The following EHMT1 variants were observed in gnomAD, a reference collection of about 807,000 sequenced individuals.
EHMT1 encodes histone-lysine N-methyltransferase EHMT1.
In EHMT1, 15 loss-of-function variants were observed where a neutral mutation model predicts 147.2. The observed-to-expected ratio is 0.10, with a 90% CI of 0.07 to 0.16. The LOEUF (loss-of-function observed/expected upper bound fraction) is 0.16. Ranked by LOEUF, EHMT1 falls within the 10% of genes least tolerant of loss-of-function variation. The pLI is 1.00. For synonymous variants in EHMT1, 795 were observed against 709.6 expected, an observed-to-expected ratio of 1.12 and a Z score of -1.91; for missense variants, 1,587 against 1,772.4, an observed-to-expected ratio of 0.90 and a Z score of 1.88.
intron 2 of EHMT1, among the ~76,000 whole-genome samples, chr9:137,713,704 C>G (rs1944950050): frequency 6.6e-6 from 1 of 151,976 alleles, no homozygotes; most frequent in Admixed American, 6.6e-5. Flanking sequence ...AATCCCAGCA[C>G]TTTGGGAGGC....
At chr9:137,815,891 G>C (rs1954879740) in intron 22 of EHMT1, 56 bp from the exon 23 acceptor site, 2 of 1,421,802 alleles carry the variant, frequency 1.4e-6, no homozygotes, top group East Asian at 2.5e-5. Flanking sequence ...GTTGATGTCA[G>C]TTCAATTAAA....
In EHMT1 at chr9:137,776,835, C is replaced by T; in HGVS notation, c.2009C>T (p.Thr670Ile). The T allele has an allele frequency of 1.2e-6, 2 of 1,613,848 alleles. No individual in the cohort carries two copies. The highest frequency in any genetic ancestry group is 1.1e-5 in the South Asian group (1 of 91,076). ...GCCCTGGAGGGCAGGGCCGACACCA[C>T]AACGGGCAGGTACCTGGCACAGGCT... ...GSALEGRADTTTGSAAGPPLS... is the reference protein window; with the variant it reads ...GSALEGRADTITGSAAGPPLS... The change falls in exon 12 of 27, where the codon ACA (threonine) becomes ATA (isoleucine). Residue 670 changes from threonine (T) to isoleucine (I), a missense_variant. Physicochemically the swap from Thr to Ile is moderately conservative, Grantham distance 89. This residue lies in a region of EHMT1 where 77 missense variants were observed against 79.3 expected (regional missense o/e 0.97). Transcript: ENST00000460843. This position sits in a 1 kb window ranked among gnomAD's most constrained non-coding sequence, Gnocchi z 4.4.
intron 3 of EHMT1, among the ~76,000 whole-genome samples, chr9:137,721,484 C>T (rs1175894720): frequency 7.0e-5 from 5 of 71,170 alleles, no homozygotes; most frequent in Non-Finnish European, 1.4e-4. Context: ...CCCTCTCCCA[C>T]GCCTCTCACC....
intron 23 of EHMT1, 100 bp downstream of exon 23, chr9:137,816,162 G>A: frequency 9.7e-7 from 1 of 1,035,752 alleles, no homozygotes; most frequent in South Asian, 1.4e-5. Context: ...GTGTTTGGAT[G>A]CACGCACATG....
At chr9:137,832,524 C>T (rs1168040790) in intron 25 of EHMT1, 2 of 151,432 alleles carry the variant, frequency 1.3e-5, no homozygotes, top group Admixed American at 1.3e-4. Flanking sequence ...GCTCCCTCCG[C>T]AGGCCCTCCC....
chr9:137,677,035 C>T (rs901578212), intron 1 of EHMT1, among the ~76,000 whole-genome samples: 3 of 152,124 alleles, frequency 2.0e-5, no homozygotes, highest in Admixed American at 6.5e-5. Flanking sequence ...GCTTTTGTTG[C>T]CCAGGCTGAT....
In EHMT1 at chr9:137,765,509, T is replaced by G. The variant is rs1950154792; in HGVS notation, c.1647+2689T>G. Among the ~76,000 whole-genome samples, 7 of 152,288 alleles carry G rather than the reference T, an allele frequency of 4.6e-5. No homozygotes were observed. In the South Asian group the frequency reaches 1.5e-3, roughly 32 times the overall value. On this transcript the variant is annotated intron_variant, in intron 10 of 26. Coordinates refer to ENST00000460843, the MANE Select transcript of EHMT1 (RefSeq NM_024757.5). ...TATTTTTTGGATAGAAAACTCAAAA[T>G]AATAATAAATTAAATTAAATGAAAC...
chr9:137,619,764 A>G (rs1564510614), intron 1 of EHMT1, among the ~76,000 whole-genome samples: 1 of 151,966 alleles, frequency 6.6e-6, no homozygotes, highest in Non-Finnish European at 1.5e-5. Flanking sequence ...GCTCATTCTC[A>G]AGGATAGTTT....
At chr9:137,802,327 A>T (rs1254691578) in intron 18 of EHMT1, 3 of 398,586 alleles carry the variant, frequency 7.5e-6, no homozygotes, top group African/African-American at 6.2e-5. Flanking sequence ...CAGCCCTCAG[A>T]GGTGTGTCCA....
At chr9:137,707,870 A>G (rs1167883254) in intron 1 of EHMT1, among the ~76,000 whole-genome samples, 1 of 151,692 alleles carries the variant, frequency 6.6e-6, no homozygotes, top group Non-Finnish European at 1.5e-5. Context: ...GCCATGCTCC[A>G]CCCCGGCTCA....
intron 1 of EHMT1, among the ~76,000 whole-genome samples, chr9:137,701,125 C>T (rs895948846): frequency 6.6e-6 from 1 of 152,066 alleles, no homozygotes; most frequent in Non-Finnish European, 1.5e-5. Flanking sequence ...GCAAGGGGAA[C>T]GTCCGCCCCC....
Position 137,732,423 on chromosome 9 carries a change from T to A in EHMT1, c.823+3894T>A, listed in dbSNP as rs538292224. Among the ~76,000 whole-genome samples, 2 of 152,162 alleles carry A rather than the reference T, an allele frequency of 1.3e-5. No homozygotes were observed. The highest frequency in any genetic ancestry group is 4.1e-4 in the South Asian group (2 of 4,820). ...CATGGACAACTGGAGGGGAGCAAGGTGGAGAAGAGTTTTATTGAGCAGCAG... is the reference window on the plus strand; with the variant it reads ...CATGGACAACTGGAGGGGAGCAAGGAGGAGAAGAGTTTTATTGAGCAGCAG... On this transcript the variant is annotated intron_variant, in intron 4 of 26. Coordinates refer to ENST00000460843, the MANE Select transcript of EHMT1 (RefSeq NM_024757.5). This position sits in a 1 kb window ranked among gnomAD's most constrained non-coding sequence, Gnocchi z 4.6.
chr9:137,625,038 C>T lies in EHMT1; in HGVS notation c.21+5989C>T, dbSNP rs1392739421. Among the ~76,000 whole-genome samples the T allele has an allele frequency of 5.3e-5, 8 of 151,984 alleles. No homozygotes were observed. The East Asian group carries it at 5.9e-4, about 11-fold the overall frequency. On this transcript the variant is annotated intron_variant, in intron 1 of 26. Transcript: ENST00000460843. ...CTGGGATTACAGGCTCCTGCCACCC[C>T]GCCCCGCTAATTTTTGTATTTTCGG... is the stretch of plus-strand genomic sequence containing the variant.
intron 10 of EHMT1, among the ~76,000 whole-genome samples, chr9:137,774,806 C>G (rs1002298613): frequency 6.6e-6 from 1 of 151,958 alleles, no homozygotes; most frequent in Admixed American, 6.6e-5. Context: ...ACGCCTGGCC[C>G]CCTGGATCTG....
At chr9:137,834,233 A>T in intron 25 of EHMT1, 116 bp from the exon 26 acceptor site, 2 of 1,370,878 alleles carry the variant, frequency 1.5e-6, no homozygotes, top group East Asian at 2.5e-5. Flanking sequence ...CCCCTCCTGC[A>T]TGGCGGGCCT....
intron 3 of EHMT1, among the ~76,000 whole-genome samples, chr9:137,725,007 G>A (rs901836025): frequency 8.7e-5 from 13 of 149,838 alleles, no homozygotes; most frequent in Admixed American, 2.0e-4. Context: ...TGTGGCAGGC[G>A]TGTCACATGG....
intron 3 of EHMT1, among the ~76,000 whole-genome samples, chr9:137,721,695 T>A (rs1946073333): frequency 6.6e-6 from 1 of 151,912 alleles, no homozygotes; most frequent in Non-Finnish European, 1.5e-5. Context: ...ATTGCTTTGC[T>A]GTCGGTGTGT....
At chr9:137,779,331 G>T (rs1360114477) in intron 13 of EHMT1, among the ~76,000 whole-genome samples, 1 of 152,262 alleles carries the variant, frequency 6.6e-6, no homozygotes, top group African/African-American at 2.4e-5. Flanking sequence ...ATCCTGCGCT[G>T]GTTCTGTCGT....
chr9:137,681,762 C>G (rs549635680), intron 1 of EHMT1, among the ~76,000 whole-genome samples: 6 of 152,258 alleles, frequency 3.9e-5, no homozygotes, highest in African/African-American at 1.4e-4. Context: ...GCTTTTCCCT[C>G]CTGTATTTTG....
Sources: gnomAD v4.1 joint callset for allele counts (sites outside exome capture counted in the v4.1 genomes callset) on GRCh38, gnomAD v4.1.1 for gene constraint, gnomAD v4.1.1 regional missense constraint, Gnocchi (gnomAD v3.1) non-coding constraint, MANE v1.5 for transcripts, NCBI Gene and HGNC (gene_info 2026-07-23, HGNC 2026-07-21) for gene names.